The following MBNL1 variants were observed in gnomAD, a reference collection of about 807,000 sequenced individuals.
MBNL1 encodes the protein muscleblind-like protein 1.
A neutral mutation model predicts 42.2 loss-of-function variants in MBNL1; 8 were observed. The ratio of observed to expected loss-of-function variants is 0.19; its 90% CI spans 0.11 to 0.34. MBNL1 has a LOEUF of 0.34. MBNL1 is among the 10% of genes least tolerant of loss of function. The pLI, the probability that MBNL1 is intolerant of heterozygous loss-of-function variation, is 1.00. For missense variants in MBNL1, 309 were observed against 495.3 expected (o/e 0.62, Z 3.57); for synonymous variants, 169 against 173.9 (o/e 0.97, Z 0.22).
At chr3:152,445,195 C>T in intron 4 of MBNL1, 87 bp from the exon 5 acceptor site, 1 of 1,154,708 alleles carries the variant, frequency 8.7e-7, no homozygotes, top group Non-Finnish European at 1.2e-6. Context: ...AGCCTTCTGT[C>T]ACCAGTCTTG....
chr3:152,300,372 GTAAC>G lies in MBNL1; in HGVS notation c.174+8_174+11del. On this transcript the variant is annotated splice_donor_region_variant and intron_variant, in intron 2 of 9. Coordinates refer to ENST00000324210, the MANE Select transcript of MBNL1 (RefSeq NM_021038.5). ...GCCTGCTTTGATTCATTGAAAGTGA[GTAAC>G]TATTATATTCTTTTAAGGATATTCA... The G allele has an allele frequency of 1.2e-6, 2 of 1,611,284 alleles. No individual in the cohort carries two copies. Among genetic ancestry groups the G allele is most frequent in the Non-Finnish European group, 1.7e-6 (2 of 1,177,516 alleles).
intron 2 of MBNL1, among the ~76,000 whole-genome samples, chr3:152,398,675 C>T (rs112901659): frequency 1.0e-3 from 153 of 152,266 alleles, no homozygotes; most frequent in African/African-American, 3.5e-3. Flanking sequence ...ACTTCAAGCC[C>T]TCTTACATTC....
intron 2 of MBNL1, among the ~76,000 whole-genome samples, chr3:152,334,454 G>A (rs1385056053): frequency 1.3e-5 from 2 of 152,056 alleles, no homozygotes; most frequent in Non-Finnish European, 2.9e-5. Flanking sequence ...TAAGTCGAAC[G>A]CCACTAGAAA....
chr3:152,454,050 G>T (rs1728796872), intron 6 of MBNL1, among the ~76,000 whole-genome samples: 1 of 152,082 alleles, frequency 6.6e-6, no homozygotes, highest in Non-Finnish European at 1.5e-5. Flanking sequence ...TTGCTCTACT[G>T]TCTCAAATTA....
At chr3:152,418,814 T>G (rs1185283394) in intron 3 of MBNL1, among the ~76,000 whole-genome samples, 1 of 151,466 alleles carries the variant, frequency 6.6e-6, no homozygotes, top group East Asian at 1.9e-4. Context: ...CCTCCCAAGT[T>G]CACACCGTTC....
intron 2 of MBNL1, among the ~76,000 whole-genome samples, chr3:152,412,798 T>C (rs1305485655): frequency 6.6e-6 from 1 of 152,210 alleles, no homozygotes; most frequent in Non-Finnish European, 1.5e-5. Flanking sequence ...AAGGTCTGGT[T>C]CATGGCCCAG....
intron 2 of MBNL1, among the ~76,000 whole-genome samples, chr3:152,348,902 G>T (rs960278615): frequency 1.3e-5 from 2 of 152,048 alleles, no homozygotes; most frequent in Non-Finnish European, 2.9e-5. Flanking sequence ...ATCATAGAAG[G>T]TTTTTAAGTG....
intron 4 of MBNL1, among the ~76,000 whole-genome samples, chr3:152,444,039 GA>G (rs1306868020): frequency 6.6e-6 from 1 of 152,114 alleles, no homozygotes; most frequent in African/African-American, 2.4e-5. Context: ...ACAAATCCAA[GA>G]AAACCTTTGC....
intron 6 of MBNL1, among the ~76,000 whole-genome samples, chr3:152,453,588 A>G (rs752378898): frequency 1.3e-5 from 2 of 152,232 alleles, no homozygotes; most frequent in Non-Finnish European, 2.9e-5. Flanking sequence ...TCATTTCAAA[A>G]GTGATTTTCA....
chr3:152,397,227 C>T (rs377028746), intron 2 of MBNL1, among the ~76,000 whole-genome samples: 16 of 152,080 alleles, frequency 1.1e-4, no homozygotes, highest in East Asian at 7.7e-4. Flanking sequence ...TATTATTATA[C>T]TTTAAGTTCT....
rs1459996675 is a variant in MBNL1, at chr3:152,445,284, A to G, written c.552A>G (p.Val184=). 2 of 1,613,372 alleles carry G rather than the reference A, an allele frequency of 1.2e-6. No individual in the cohort carries two copies. Among genetic ancestry groups the G allele is most frequent in the Non-Finnish European group, 1.7e-6 (2 of 1,179,460 alleles). ...TCATGTACTTAATGACCTCATAGGT[A>G]TGTCGAGAGTACCAACGTGGCAATT... ...QKLMRTDRLE[V]CREYQRGNCN... Residue 184 remains valine (V), a splice_region_variant and synonymous_variant, in exon 5 of 10, where the codon GTA becomes GTG. Transcript: ENST00000324210.
intron 8 of MBNL1, among the ~76,000 whole-genome samples, chr3:152,457,503 C>T (rs1041373777): frequency 6.6e-6 from 1 of 152,174 alleles, no homozygotes; most frequent in Admixed American, 6.5e-5. Context: ...GCTATTAGTA[C>T]AGCCATTAAA....
intron 2 of MBNL1, chr3:152,340,626 A>G (rs753292155): frequency 6.2e-7 from 1 of 1,613,922 alleles, no homozygotes; most frequent in Admixed American, 1.7e-5. Flanking sequence ...GGCACCTGCA[A>G]CTAAACCCAC....
intron 3 of MBNL1, among the ~76,000 whole-genome samples, chr3:152,429,140 T>G (rs529591449): frequency 6.6e-6 from 1 of 152,280 alleles, no homozygotes; most frequent in African/African-American, 2.4e-5. Flanking sequence ...TCTACTGTTG[T>G]AAGGATTAAA....
intron 2 of MBNL1, among the ~76,000 whole-genome samples, chr3:152,381,155 G>A (rs1452753786): frequency 1.3e-5 from 2 of 151,968 alleles, no homozygotes; most frequent in African/African-American, 4.8e-5. Context: ...ATAAAAGGCA[G>A]CTCTAAACTC....
At chr3:152,289,199 T>C (rs1387084771) in intron 1 of MBNL1, among the ~76,000 whole-genome samples, 2 of 152,100 alleles carry the variant, frequency 1.3e-5, no homozygotes, top group Non-Finnish European at 1.5e-5. Context: ...ATTTCAGCAT[T>C]GATTAAAAGA....
At position 152,281,764 on chromosome 3, in the gene MBNL1, A is replaced by T. The variant is rs560161068; in HGVS notation, c.-790+12672A>T. 3.9e-5 allele frequency among the ~76,000 whole-genome samples: 6 copies of T among 152,298 alleles called. 1 individual carries two copies. Among genetic ancestry groups the T allele is most frequent in the Admixed American group, 3.9e-4 (6 of 15,294 alleles). On this transcript the variant is annotated intron_variant, in intron 1 of 9. Coordinates refer to ENST00000324210, the MANE Select transcript of MBNL1 (RefSeq NM_021038.5). ...TTTCAAATGCTCTTGTAATCTATTC[A>T]GCTGCATTATTGAAGATATTAGGGT...
intron 2 of MBNL1, among the ~76,000 whole-genome samples, chr3:152,321,426 C>T (rs2076421417): frequency 6.6e-6 from 1 of 152,012 alleles, no homozygotes; most frequent in South Asian, 2.1e-4. Context: ...TATTTTAGTT[C>T]TGTCATCTTT....
chr3:152,435,422 A>G (rs1454427326), intron 4 of MBNL1, among the ~76,000 whole-genome samples: 1 of 152,216 alleles, frequency 6.6e-6, no homozygotes, highest in Non-Finnish European at 1.5e-5. Context: ...CACCAGTACC[A>G]TGCTGTTTGG....
Sources: gnomAD v4.1 joint callset for allele counts (sites outside exome capture counted in the v4.1 genomes callset) on GRCh38, gnomAD v4.1.1 for gene constraint, MANE v1.5 for transcripts, NCBI Gene and HGNC (gene_info 2026-07-23, HGNC 2026-07-21) for gene names.